Variants in FARP1 observed in about 807,000 individuals in gnomAD.
FARP1 encodes the protein FERM, ARHGEF and pleckstrin domain-containing protein 1.
In FARP1, 52 loss-of-function variants were observed where a neutral mutation model predicts 128.8. That is an observed-to-expected ratio of 0.40 (90% CI 0.32 to 0.51). FARP1 has a LOEUF of 0.51. Ranked by LOEUF, FARP1 falls within the 20% of genes least tolerant of loss-of-function variation. The probability of loss-of-function intolerance (pLI) is 0.45; values close to 1 mark genes in which losing one functional copy is unlikely to be tolerated. For missense variants in FARP1, 1,333 were observed against 1,367.9 expected, an observed-to-expected ratio of 0.97 and a Z score of 0.40; for synonymous variants, 580 against 551.8, an observed-to-expected ratio of 1.05 and a Z score of -0.72.
At chr13:98,228,129 C>T (rs148270666) in intron 2 of FARP1, among the ~76,000 whole-genome samples, 16 of 152,270 alleles carry the variant, frequency 1.1e-4, no homozygotes, top group African/African-American at 3.6e-4. Flanking sequence ...GAGGCCAGGG[C>T]GGGTGGATCA....
chr13:98,250,808 A>C (rs1317562797), intron 2 of FARP1, among the ~76,000 whole-genome samples: 2 of 152,196 alleles, frequency 1.3e-5, no homozygotes, highest in Non-Finnish European at 2.9e-5. Flanking sequence ...CCATCCCTTA[A>C]GAAGTAATCC....
At chr13:98,265,091 G>A (rs1416915673) in intron 2 of FARP1, among the ~76,000 whole-genome samples, 1 of 151,778 alleles carries the variant, frequency 6.6e-6, no homozygotes, top group Non-Finnish European at 1.5e-5. Flanking sequence ...GCCCACACTA[G>A]TGCTCGTAAA....
chr13:98,425,013 C>T (rs1467175018), intron 17 of FARP1, among the ~76,000 whole-genome samples: 1 of 151,964 alleles, frequency 6.6e-6, no homozygotes, highest in Admixed American at 6.5e-5. Context: ...ACACCCCGGT[C>T]TAATCTAAGG....
chr13:98,387,000 T>C (rs1890122121), intron 8 of FARP1, among the ~76,000 whole-genome samples: 1 of 152,098 alleles, frequency 6.6e-6, no homozygotes, highest in Non-Finnish European at 1.5e-5. Context: ...CCTCTGAGTA[T>C]CGGATAAGAG....
At chr13:98,232,377 A>G (rs1249285372) in intron 2 of FARP1, among the ~76,000 whole-genome samples, 1 of 150,728 alleles carries the variant, frequency 6.6e-6, no homozygotes, top group African/African-American at 2.4e-5. Flanking sequence ...AATGGGCACC[A>G]ATGTGCCTAG....
chr13:98,429,653 A>G (rs770129746), intron 17 of FARP1, among the ~76,000 whole-genome samples: 1 of 152,164 alleles, frequency 6.6e-6, no homozygotes, highest in South Asian at 2.1e-4. Flanking sequence ...TAGAGAATAA[A>G]TGCGGGGGCC....
At chr13:98,230,614 C>T (rs1048512034) in intron 2 of FARP1, among the ~76,000 whole-genome samples, 2 of 149,812 alleles carry the variant, frequency 1.3e-5, no homozygotes, top group African/African-American at 5.1e-5. Flanking sequence ...CCTAGGCAGT[C>T]ACCCCATTTG....
At chr13:98,191,973 A>C (rs965396647) in intron 1 of FARP1, among the ~76,000 whole-genome samples, 3 of 152,116 alleles carry the variant, frequency 2.0e-5, no homozygotes, top group South Asian at 2.1e-4. Flanking sequence ...TAAATAAATA[A>C]ATTTTAGAGA....
chr13:98,164,036 A>G (rs1367879851), intron 1 of FARP1, among the ~76,000 whole-genome samples: 3 of 152,184 alleles, frequency 2.0e-5, no homozygotes, highest in Non-Finnish European at 2.9e-5. Flanking sequence ...ACACTTCAAG[A>G]TTATCCTTCT....
At chr13:98,157,323 T>TC (rs1208500307) in intron 1 of FARP1, among the ~76,000 whole-genome samples, 71 of 150,936 alleles carry the variant, frequency 4.7e-4, no homozygotes, top group African/African-American at 1.7e-3. Flanking sequence ...CCCTGATCAG[T>TC]CCCCCTCCCC....
intron 2 of FARP1, among the ~76,000 whole-genome samples, chr13:98,271,370 T>C (rs1884381077): frequency 6.6e-6 from 1 of 152,190 alleles, no homozygotes; most frequent in Non-Finnish European, 1.5e-5. Context: ...CCTCTTACAT[T>C]GACAGTACTG....
At chr13:98,284,652 C>T (rs74459448) in intron 2 of FARP1, among the ~76,000 whole-genome samples, 2 of 152,138 alleles carry the variant, frequency 1.3e-5, no homozygotes, top group Admixed American at 6.5e-5. Flanking sequence ...TCTCAAGTAT[C>T]TGAGTTACTG....
At chr13:98,178,831 C>G (rs184361407) in intron 1 of FARP1, among the ~76,000 whole-genome samples, 14 of 152,318 alleles carry the variant, frequency 9.2e-5, no homozygotes, top group Admixed American at 9.2e-4. Context: ...TGTCAGTTTT[C>G]TCTTAGGATA....
chr13:98,144,276 C>T (rs1875340770), intron 1 of FARP1, among the ~76,000 whole-genome samples: 2 of 151,838 alleles, frequency 1.3e-5, no homozygotes, highest in Admixed American at 1.3e-4. Context: ...GTCTGGATCT[C>T]GTTTGTGGCA....
intron 2 of FARP1, among the ~76,000 whole-genome samples, chr13:98,266,833 T>C (rs9584786): frequency 0.43 from 64,507 of 151,636 alleles, 14,468 homozygotes; most frequent in African/African-American, 0.56. Flanking sequence ...CCAACATAAG[T>C]GAGACCCCAT....
At chr13:98,277,148 A>ACACACACACACACACACACACCCC (rs372627844) in intron 2 of FARP1, among the ~76,000 whole-genome samples, 2 of 138,580 alleles carry the variant, frequency 1.4e-5, no homozygotes, top group African/African-American at 2.7e-5. Flanking sequence ...ACACACACAC[A>ACACACACACACACACACACACCCC]CCCCATATGT....
chr13:98,308,427 G>A lies in FARP1; in HGVS notation c.172-35335G>A, dbSNP rs565086512. Among the ~76,000 whole-genome samples, 7 of 150,754 alleles carry A rather than the reference G, an allele frequency of 4.6e-5. No individual in the cohort carries two copies. The East Asian group carries it at 7.7e-4, about 17-fold the overall frequency. ...GTGGTACCCCCTTAGGTGGTGCAGC[G>A]AATGCATCACCTGAGGAAGGGGAAT... On this transcript the variant is annotated intron_variant, in intron 2 of 26. Coordinates refer to ENST00000319562, the MANE Select transcript of FARP1 (RefSeq NM_005766.4).
chr13:98,395,160 T>A lies in FARP1; in HGVS notation c.1165-67T>A, dbSNP rs774498143. 523 of 1,505,198 alleles carry A rather than the reference T, an allele frequency of 3.5e-4. 3 individuals carry two copies. The Middle Eastern group carries it at 0.011, about 32-fold the overall frequency. 93.2% of individuals were successfully genotyped at this position (1,505,198 alleles called of 1,614,324 possible). ...TTCTTGCCTGGCTCTCCTTTTCTGT[T>A]TTCAGCCTTGGAATAACAGTCTCCC... On this transcript the variant is annotated intron_variant, in intron 12 of 26. Transcript: ENST00000319562.
chr13:98,368,122 A>G lies in FARP1; in HGVS notation c.325A>G (p.Lys109Glu). 6.2e-7 allele frequency: 1 copy of G among 1,613,414 alleles called. No homozygotes were observed. Among genetic ancestry groups the G allele is most frequent in the South Asian group, 1.1e-5 (1 of 91,010 alleles). Reference sequence around the variant, plus strand: ...CTTTTTTTCTTCTTCTTTAGGGCCAAAGCACGTTGTTGTTAAGTTTGTGGT... The same window carrying G: ...CTTTTTTTCTTCTTCTTTAGGGCCAGAGCACGTTGTTGTTAAGTTTGTGGT... ...KPIVKQIRRP[K>E]HVVVKFVVKF... The change falls in exon 5 of 27, where the codon AAG becomes GAG. Residue 109 changes from lysine to glutamate, a missense_variant. Lys to Glu is a moderately conservative substitution (Grantham distance 56). Transcript: ENST00000319562.
Sources: allele counts gnomAD v4.1 joint callset (sites outside exome capture counted in the v4.1 genomes callset), GRCh38; gene constraint gnomAD v4.1.1; transcripts MANE v1.5; gene names NCBI Gene and HGNC (gene_info 2026-07-23, HGNC 2026-07-21).